Variants in SEC23B observed in about 807,000 individuals in gnomAD.
The protein encoded by SEC23B is SEC23 homolog B, COPII component.
In SEC23B, 77 loss-of-function variants were observed where a neutral mutation model predicts 104.3. The ratio of observed to expected loss-of-function variants is 0.74; its 90% CI spans 0.61 to 0.89. The LOEUF is 0.89. SEC23B is among the 40% of genes least tolerant of loss of function. SEC23B has a pLI of 0.00. For synonymous variants in SEC23B, 338 were observed against 332.5 expected, an observed-to-expected ratio of 1.02 and a Z score of -0.18; for missense variants, 885 against 949.4, an observed-to-expected ratio of 0.93 and a Z score of 0.89.
intron 5 of SEC23B, 32 bp downstream of exon 5, chr20:18,524,701 A>G (rs780086003): frequency 6.4e-7 from 1 of 1,573,474 alleles, no homozygotes; most frequent in Non-Finnish European, 8.7e-7. Context: ...GAGCAGAAAC[A>G]AGGACTTTTT....
chr20:18,524,475 A>C lies in SEC23B; in HGVS notation c.409A>C (p.Thr137Pro), dbSNP rs2060115707. ...SPLIFLYVVD[T>P]CLEEDDLQAL... The stretch of plus-strand genomic sequence containing the variant: ...TCTGATCTTTCTCTATGTGGTTGAC[A>C]CATGCCTGGAGGAAGATGACCTTCA... The change falls in exon 5 of 20, where the codon ACA (threonine) becomes CCA (proline). Residue 137 changes from threonine to proline, a missense_variant. By Grantham distance (38) the Thr-to-Pro change is conservative. Coordinates refer to ENST00000650089, the MANE Select transcript of SEC23B (RefSeq NM_006363.6). 1 of 1,614,112 alleles carries C rather than the reference A, an allele frequency of 6.2e-7. No individual in the cohort carries two copies. Among genetic ancestry groups the C allele is most frequent in the Admixed American group, 1.7e-5 (1 of 60,002 alleles).
chr20:18,557,246 T>C (rs1027463175), intron 19 of SEC23B, among the ~76,000 whole-genome samples: 8 of 152,220 alleles, frequency 5.3e-5, no homozygotes, highest in African/African-American at 1.7e-4. Flanking sequence ...GACTTGTTTG[T>C]AATGTTTTTG....
intron 4 of SEC23B, among the ~76,000 whole-genome samples, chr20:18,523,678 G>C (rs2060107282): frequency 6.6e-6 from 1 of 150,574 alleles, no homozygotes; most frequent in Non-Finnish European, 1.5e-5. Flanking sequence ...TGGGATTCAG[G>C]CATGAGCCAC....
At chr20:18,535,619 GT>G (rs776066639) in intron 11 of SEC23B, 33 bp from the exon 12 acceptor site, 1 of 1,577,224 alleles carries the variant, frequency 6.3e-7, no homozygotes, top group East Asian at 2.2e-5. Flanking sequence ...TGGTTTTCTG[GT>G]TTTGTTTTTC....
chr20:18,536,953 T>G (rs1847981736), intron 12 of SEC23B, among the ~76,000 whole-genome samples: 4 of 152,212 alleles, frequency 2.6e-5, no homozygotes. Context: ...CATCTTCATG[T>G]TCAGTAGGCT....
In SEC23B at chr20:18,525,833, T is replaced by C. The variant is rs968387668; in HGVS notation, c.735T>C (p.Leu245=). The part of the protein sequence containing the change: ...VHKIDMNLTD[L]LGELQRDPWP... ...AGATTGATATGAACCTCACTGATCT[T>C]CTTGGGGAGCTACAGAGGGACCCAT... Residue 245 remains leucine (L), a synonymous_variant, in exon 7 of 20, where the codon CTT becomes CTC. Transcript: ENST00000650089. 1 of 1,614,060 alleles carries C rather than the reference T, an allele frequency of 6.2e-7. No individual in the cohort carries two copies. The highest frequency in any genetic ancestry group is 1.3e-5 in the African/African-American group (1 of 74,926).
intron 19 of SEC23B, among the ~76,000 whole-genome samples, chr20:18,555,883 AT>A (rs1486112796): frequency 3.3e-5 from 5 of 151,852 alleles, no homozygotes; most frequent in African/African-American, 1.2e-4. Flanking sequence ...TTATTGTTAC[AT>A]TGTAATATAT....
Position 18,532,651 on chromosome 20 carries a change from A to T in SEC23B, c.1234-13A>T, listed in dbSNP as rs200932810. On this transcript the variant is annotated splice_polypyrimidine_tract_variant and intron_variant, in intron 10 of 19. Transcript: ENST00000650089. ...GTGATCTTTAACTTTACACTGTCAC[A>T]TATTTGTTATAGACCTCTCGGGAAC... 4.4e-6 allele frequency: 7 copies of T among 1,596,784 alleles called. No individual in the cohort carries two copies. In the African/African-American group the frequency reaches 8.0e-5, roughly 18 times the overall value.
At chr20:18,530,592 C>G in intron 9 of SEC23B, 88 bp from the exon 10 acceptor site, 15 of 1,484,634 alleles carry the variant, frequency 1.0e-5, no homozygotes, top group African/African-American at 1.4e-5. Context: ...TTCTTTTTTT[C>G]TTTAAATTAT....
chr20:18,545,485 T>C (rs2060323985), intron 14 of SEC23B, among the ~76,000 whole-genome samples: 5 of 152,170 alleles, frequency 3.3e-5, no homozygotes, highest in Admixed American at 3.3e-4. Context: ...AACAGTCCAA[T>C]TCTTTAGTGA....
intron 12 of SEC23B, among the ~76,000 whole-genome samples, chr20:18,537,128 T>A (rs1177866576): frequency 6.6e-6 from 1 of 151,994 alleles, no homozygotes; most frequent in African/African-American, 2.4e-5. Context: ...TAGGAACACT[T>A]TTACACTGTT....
At chr20:18,560,498 A>G in intron 19 of SEC23B, among the ~76,000 whole-genome samples, 153 bp from the exon 20 acceptor site, 1 of 152,172 alleles carries the variant, frequency 6.6e-6, no homozygotes, top group East Asian at 1.9e-4. Flanking sequence ...TAGTCAAAAG[A>G]AGTTGTTCGT....
intron 1 of SEC23B, chr20:18,509,829 G>C (rs535298804): frequency 1.3e-5 from 2 of 152,210 alleles, no homozygotes; most frequent in African/African-American, 4.8e-5. Context: ...CTCGTGATCC[G>C]CCCATCTCAG....
At chr20:18,517,345 A>G (rs1449218355) in intron 4 of SEC23B, among the ~76,000 whole-genome samples, 1 of 152,120 alleles carries the variant, frequency 6.6e-6, no homozygotes, top group South Asian at 2.1e-4. Context: ...GGGTGGGGAG[A>G]ATTACAAAGA....
At chr20:18,559,380 C>G (rs544851257) in intron 19 of SEC23B, among the ~76,000 whole-genome samples, 1 of 152,256 alleles carries the variant, frequency 6.6e-6, no homozygotes, top group African/African-American at 2.4e-5. Flanking sequence ...CCCAAATGGC[C>G]TCTACTGACA....
chr20:18,520,761 T>A (rs2060075538), intron 4 of SEC23B, among the ~76,000 whole-genome samples: 1 of 151,868 alleles, frequency 6.6e-6, no homozygotes, highest in Non-Finnish European at 1.5e-5. Context: ...CTGTACTGAT[T>A]AAGAAGGCGA....
At chr20:18,539,804 C>G (rs1311733006) in intron 12 of SEC23B, among the ~76,000 whole-genome samples, 1 of 151,832 alleles carries the variant, frequency 6.6e-6, no homozygotes, top group Middle Eastern at 3.2e-3. Flanking sequence ...GCCACCACAC[C>G]CACCTAATTT....
At chr20:18,509,597 C>CT (rs1568594803) in intron 1 of SEC23B, 74 of 146,302 alleles carry the variant, frequency 5.1e-4, no homozygotes, top group East Asian at 5.0e-3. Context: ...CCACAGTCTT[C>CT]ATTTTTTTTT....
intron 17 of SEC23B, among the ~76,000 whole-genome samples, chr20:18,551,577 G>T (rs967965998): frequency 1.3e-5 from 2 of 151,988 alleles, no homozygotes; most frequent in African/African-American, 4.8e-5. Flanking sequence ...AGCCAGGCGT[G>T]GTGGCACACA....
Sources: allele counts gnomAD v4.1 joint callset (sites outside exome capture counted in the v4.1 genomes callset), GRCh38; gene constraint gnomAD v4.1.1; transcripts MANE v1.5; gene names NCBI Gene and HGNC (gene_info 2026-07-23, HGNC 2026-07-21).